The following UNC5D variants were observed in gnomAD, a reference collection of about 807,000 sequenced individuals.
UNC5D encodes unc-5 netrin receptor D, also known as netrin receptor UNC5D.
In UNC5D, 39 loss-of-function variants were observed where a neutral mutation model predicts 105.4. That is an observed-to-expected ratio of 0.37 (90% CI 0.29 to 0.48). The LOEUF is 0.48. Among genes scored for constraint, UNC5D ranks in the 20% least tolerant of loss-of-function variants. The pLI, the probability that UNC5D is intolerant of heterozygous loss-of-function variation, is 0.98. For missense variants in UNC5D, 991 were observed against 1,202.4 expected (o/e 0.82, Z 2.60); for synonymous variants, 452 against 450.4 (o/e 1.00, Z -0.04).
intron 4 of UNC5D, among the ~76,000 whole-genome samples, chr8:35,609,165 G>A (rs561007739): frequency 3.3e-5 from 5 of 152,192 alleles, no homozygotes; most frequent in African/African-American, 1.2e-4. Flanking sequence ...GATTAGTGAT[G>A]TTAAACTTTT....
intron 7 of UNC5D, 23 bp from the exon 8 acceptor site, chr8:35,705,906 T>TTTAC: frequency 7.6e-7 from 1 of 1,312,430 alleles, no homozygotes; most frequent in Non-Finnish European, 1.1e-6. Context: ...GCAACTTTCT[T>TTTAC]TTTCTTTCTT....
At chr8:35,628,744 A>G (rs983509566) in intron 4 of UNC5D, among the ~76,000 whole-genome samples, 7 of 152,210 alleles carry the variant, frequency 4.6e-5, no homozygotes, top group Admixed American at 2.0e-4. Context: ...GCTTGTTAGC[A>G]TAGACACTCT....
At chr8:35,763,033 C>T (rs1801611270) in intron 14 of UNC5D, among the ~76,000 whole-genome samples, 1 of 152,214 alleles carries the variant, frequency 6.6e-6, no homozygotes, top group East Asian at 1.9e-4. Context: ...TTCCTCTCAG[C>T]TCAGAGAGCT....
intron 1 of UNC5D, among the ~76,000 whole-genome samples, chr8:35,467,589 A>AAAAAAAAAAAAAAAAAAAAAAAAAAAAG (rs1554537851): frequency 7.9e-6 from 1 of 126,246 alleles, no homozygotes; most frequent in Non-Finnish European, 1.7e-5. Context: ...AAAAAAAAAA[A>AAAAAAAAAAAAAAAAAAAAAAAAAAAAG]AAGAAGAAAA....
intron 1 of UNC5D, among the ~76,000 whole-genome samples, chr8:35,543,611 T>C (rs1012032492): frequency 6.6e-6 from 1 of 152,080 alleles, no homozygotes; most frequent in Non-Finnish European, 1.5e-5. Flanking sequence ...TATTTCTAAA[T>C]GAAACACAGA....
Position 35,793,113 on chromosome 8 carries a change from TTA to T in UNC5D, c.*2552_*2553del, listed in dbSNP as rs1490140047. 3 of 453,872 alleles carry T rather than the reference TTA, an allele frequency of 6.6e-6. No individual in the cohort carries two copies. The highest frequency in any genetic ancestry group is 4.7e-5 in the Admixed American group (2 of 42,118). 28.1% of individuals were successfully genotyped at this position (453,872 alleles called of 1,614,324 possible). On this transcript the variant is annotated 3_prime_UTR_variant, in exon 17 of 17. Transcript: ENST00000404895. ...TCCTTCAGCCTGTCTTGTTTCTTCT[TTA>T]TGTTTCTTTTACTTATTGCTGCTAG...
At chr8:35,629,499 TTC>T (rs1821905993) in intron 4 of UNC5D, among the ~76,000 whole-genome samples, 1 of 152,074 alleles carries the variant, frequency 6.6e-6, no homozygotes, top group Admixed American at 6.5e-5. Context: ...ACATAAGGTA[TTC>T]ATGGACATAA....
chr8:35,567,252 T>C (rs2130781382), intron 2 of UNC5D, among the ~76,000 whole-genome samples: 1 of 152,296 alleles, frequency 6.6e-6, no homozygotes, highest in East Asian at 1.9e-4. Flanking sequence ...GGTTTATGTG[T>C]ACTGCTATGA....
chr8:35,598,030 T>C (rs574050315), intron 4 of UNC5D, among the ~76,000 whole-genome samples: 16 of 152,190 alleles, frequency 1.1e-4, no homozygotes, highest in South Asian at 6.2e-4. Flanking sequence ...CCTTTGAATG[T>C]GCTGGCCTCT....
intron 16 of UNC5D, among the ~76,000 whole-genome samples, chr8:35,782,876 A>G (rs1802567157): frequency 6.6e-6 from 1 of 152,194 alleles, no homozygotes; most frequent in Non-Finnish European, 1.5e-5. Flanking sequence ...GCTCACATCT[A>G]TAGTCCTGGC....
chr8:35,249,456 G>A (rs1443981804), intron 1 of UNC5D, among the ~76,000 whole-genome samples: 2 of 150,926 alleles, frequency 1.3e-5, no homozygotes, highest in Non-Finnish European at 3.0e-5. Context: ...TACTCGGGAG[G>A]CTGAGGCAGG....
At chr8:35,669,949 A>G (rs1157377760) in intron 4 of UNC5D, among the ~76,000 whole-genome samples, 2 of 152,134 alleles carry the variant, frequency 1.3e-5, no homozygotes, top group East Asian at 1.9e-4. Context: ...GAAGATGTCA[A>G]TCTGGGAATG....
intron 1 of UNC5D, among the ~76,000 whole-genome samples, chr8:35,492,419 A>G (rs1249800872): frequency 6.6e-6 from 1 of 152,122 alleles, no homozygotes; most frequent in Non-Finnish European, 1.5e-5. Context: ...TGCTACTTGC[A>G]TTTTCATCCT....
At chr8:35,272,199 A>T (rs528160014) in intron 1 of UNC5D, among the ~76,000 whole-genome samples, 2 of 152,302 alleles carry the variant, frequency 1.3e-5, no homozygotes, top group South Asian at 4.1e-4. Context: ...CTGAAAAATG[A>T]TGTTTAAAAA....
At chr8:35,626,399 T>C (rs1384445553) in intron 4 of UNC5D, among the ~76,000 whole-genome samples, 1 of 152,204 alleles carries the variant, frequency 6.6e-6, no homozygotes, top group Non-Finnish European at 1.5e-5. Flanking sequence ...AAAATTAAAA[T>C]GCAGCCTCCC....
At chr8:35,725,403 G>A (rs758991425) in intron 9 of UNC5D, among the ~76,000 whole-genome samples, 1 of 152,156 alleles carries the variant, frequency 6.6e-6, no homozygotes, top group Non-Finnish European at 1.5e-5. Context: ...AATTTCTCAT[G>A]TTTTTGCAAA....
At chr8:35,622,571 C>T (rs1261606207) in intron 4 of UNC5D, among the ~76,000 whole-genome samples, 2 of 152,006 alleles carry the variant, frequency 1.3e-5, no homozygotes, top group African/African-American at 4.8e-5. Context: ...CTTAAGGATG[C>T]TTTGGAGATT....
intron 4 of UNC5D, among the ~76,000 whole-genome samples, chr8:35,661,599 A>T (rs1355026963): frequency 6.6e-6 from 1 of 152,078 alleles, no homozygotes; most frequent in African/African-American, 2.4e-5. Context: ...GTTGATCCTT[A>T]TGTCAGATTC....
chr8:35,324,233 C>CAAAA (rs569409228), intron 1 of UNC5D, among the ~76,000 whole-genome samples: 3 of 62,794 alleles, frequency 4.8e-5, no homozygotes, highest in Non-Finnish European at 8.7e-5. Flanking sequence ...ACCCTGTCTC[C>CAAAA]AAAAAAAAAA....
Sources: gnomAD v4.1 joint callset for allele counts (sites outside exome capture counted in the v4.1 genomes callset) on GRCh38, gnomAD v4.1.1 for gene constraint, MANE v1.5 for transcripts, NCBI Gene and HGNC (gene_info 2026-07-23, HGNC 2026-07-21) for gene names.